OR51G2: variants seen among roughly 807,000 people sequenced by gnomAD.
OR51G2 encodes olfactory receptor 51G2.
OR51G2 carries 13 observed loss-of-function variants against 11.8 expected under a neutral mutation model. The ratio of observed to expected loss-of-function variants is 1.10; its 90% confidence interval spans 0.72 to 1.76. The LOEUF (loss-of-function observed/expected upper bound fraction) is 1.76, where lower values mean the gene tolerates loss of function less well. Ranked by LOEUF, OR51G2 falls within the 40% of genes most tolerant of loss-of-function variation. The pLI is 0.00. For missense variants in OR51G2, 474 were observed against 394.4 expected (o/e 1.20, Z -1.71); for synonymous variants, 178 against 151.9 (o/e 1.17, Z -1.26).
In OR51G2 at chr11:4,915,550, G is replaced by A; in HGVS notation, c.114C>T (p.Phe38=). 1.9e-6 allele frequency: 3 copies of A among 1,614,076 alleles called. No individual in the cohort carries two copies. Among genetic ancestry groups the A allele is most frequent in the Non-Finnish European group, 2.5e-6 (3 of 1,180,002 alleles). The change falls in exon 2 of 2, where the codon TTC becomes TTT. Residue 38 remains phenylalanine (F), a synonymous_variant. Coordinates refer to ENST00000641926, the MANE Select transcript of OR51G2 (RefSeq NM_001005238.2). The stretch of plus-strand genomic sequence containing the variant: ...TGCCCGGGATGGAAACCAGATACAT[G>A]AAGCACAGTGGGATGGAGATCCAGA... ...MHIWISIPLC[F]MYLVSIPGNC...
At chr11:4,918,925 G>C (rs1173772719) in intron 1 of OR51G2, among the ~76,000 whole-genome samples, 1 of 152,208 alleles carries the variant, frequency 6.6e-6, no homozygotes, top group Non-Finnish European at 1.5e-5. Flanking sequence ...ACTTGTGTCT[G>C]AGACTAGGGG....
intron 1 of OR51G2, among the ~76,000 whole-genome samples, chr11:4,918,692 A>C (rs1851135554): frequency 6.6e-6 from 1 of 152,186 alleles, no homozygotes; most frequent in African/African-American, 2.4e-5. Flanking sequence ...TCAGCAAGAT[A>C]GACTTAATCC....
At chr11:4,916,922 C>A (rs1851102824) in intron 1 of OR51G2, among the ~76,000 whole-genome samples, 1 of 152,176 alleles carries the variant, frequency 6.6e-6, no homozygotes, top group Non-Finnish European at 1.5e-5. Context: ...GGCAGTGATG[C>A]TGGAAAGGCC....
rs374326122 is a variant in OR51G2 at position 4,914,727 on chromosome 11, A to G, written c.937T>C (p.Cys313Arg). Residue 313 changes from cysteine to arginine, a missense_variant, in exon 2 of 2, where the codon TGT becomes CGT. Cys to Arg is a radical substitution (Grantham distance 180). Coordinates refer to ENST00000641926, the MANE Select transcript of OR51G2 (RefSeq NM_001005238.2). ...QIRDRVTHAF[C>R]Y ...TCTAACACTAGACACAGTTAGTAAC[A>G]AAAGGCATGCGTCACTCGATCCCGG... 3 of 1,607,930 alleles carry G rather than the reference A, an allele frequency of 1.9e-6. No individual in the cohort carries two copies. The highest frequency in any genetic ancestry group is 1.3e-5 in the African/African-American group (1 of 74,798).
At chr11:4,916,592 A>C (rs1398876475) in intron 1 of OR51G2, among the ~76,000 whole-genome samples, 1 of 152,048 alleles carries the variant, frequency 6.6e-6, no homozygotes, top group Non-Finnish European at 1.5e-5. Flanking sequence ...TTCTAGACAG[A>C]CCAACCCTTC....
rs541924522 is a variant in OR51G2 at position 4,912,930 on chromosome 11, A to G, written c.*1789T>C. On this transcript the variant is annotated 3_prime_UTR_variant, in exon 2 of 2. Transcript: ENST00000641926. Reference sequence around the variant, plus strand: ...TTGTCTAGCCTGGAATGTTAAACATACTCTTTCAAATTGGAAAAGAAAAAA... The same window carrying G: ...TTGTCTAGCCTGGAATGTTAAACATGCTCTTTCAAATTGGAAAAGAAAAAA... The G allele has an allele frequency of 9.3e-5, 14 of 150,854 alleles. No homozygotes were observed. Among genetic ancestry groups the G allele is most frequent in the African/African-American group, 3.2e-4 (13 of 41,094 alleles). 9.3% of individuals were successfully genotyped at this position (150,854 alleles called of 1,614,324 possible). A position where few individuals can be genotyped will look rare whatever the true frequency, so the allele number is the denominator to read the frequency against.
At position 4,914,776 on chromosome 11, in the gene OR51G2, G is replaced by A. The variant is rs949253416; in HGVS notation, c.888C>T (p.Val296=). 1 of 1,613,962 alleles carries A rather than the reference G, an allele frequency of 6.2e-7. No homozygotes were observed. Among genetic ancestry groups the A allele is most frequent in the African/African-American group, 1.3e-5 (1 of 75,006 alleles). ...GGATCTGTTTGGTCTTCACACTGTAGACAATGGGATTCATCACAGGAGGAA... is the reference window on the plus strand; with the variant it reads ...GGATCTGTTTGGTCTTCACACTGTAAACAATGGGATTCATCACAGGAGGAA... ...LLFPPVMNPI[V]YSVKTKQIRD... is the part of the protein sequence containing the mutation. The change falls in exon 2 of 2, where the codon GTC becomes GTT. Residue 296 remains valine (V), a synonymous_variant. Coordinates refer to ENST00000641926, the MANE Select transcript of OR51G2 (RefSeq NM_001005238.2).
In OR51G2 at chr11:4,915,507, T is replaced by C. The variant is rs139903297; in HGVS notation, c.157A>G (p.Ile53Val). 6.9e-4 allele frequency: 1,118 copies of C among 1,614,044 alleles called. 11 individuals carry two copies. In the African/African-American group the frequency reaches 0.013, roughly 18 times the overall value. Residue 53 changes from isoleucine to valine, a missense_variant, in exon 2 of 2, where the codon ATC becomes GTC. Coordinates refer to ENST00000641926, the MANE Select transcript of OR51G2 (RefSeq NM_001005238.2). ...TGAAGTGAGCGCTCTGTTTTAATGA[T>C]AAAAAGAATTGTGCAGTTGCCCGGG... ...SIPGNCTILF[I>V]IKTERSLHEP... is the part of the protein sequence containing the mutation.
At position 4,914,162 on chromosome 11, in the gene OR51G2, C is replaced by T. The variant is rs1173696305; in HGVS notation, c.*557G>A. 1.3e-5 allele frequency: 2 copies of T among 152,424 alleles called. No individual in the cohort carries two copies. The highest frequency in any genetic ancestry group is 6.5e-5 in the Admixed American group (1 of 15,284). 9.4% of individuals were successfully genotyped at this position (152,424 alleles called of 1,614,324 possible). A position where few individuals can be genotyped will look rare whatever the true frequency, so the allele number is the denominator to read the frequency against. On this transcript the variant is annotated 3_prime_UTR_variant, in exon 2 of 2. Transcript: ENST00000641926. ...GGATTCTCTACTCATTGGTGGTTAA[C>T]ACTGACTCAGCTAAGGTCTCAGCCT...
Position 4,915,358 on chromosome 11 carries a change from G to T in OR51G2, c.306C>A (p.Cys102Ter), listed in dbSNP as rs755400528. The T allele has an allele frequency of 1.2e-6, 2 of 1,614,040 alleles. No individual in the cohort carries two copies. The highest frequency in any genetic ancestry group is 8.5e-7 in the Non-Finnish European group (1 of 1,179,996). The change falls in exon 2 of 2, where the codon TGC becomes TGA. Residue 102 changes from cysteine (C) to a stop codon, truncating the protein, a stop_gained. Coordinates refer to ENST00000641926, the MANE Select transcript of OR51G2 (RefSeq NM_001005238.2). LOFTEE classifies it high-confidence loss of function. ...VGAREISHDA[C>*]FAQLFFIHCF... ...AGTGAATGAAAAAGAGCTGAGCAAA[G>T]CAGGCATCATGGCTAATTTCTCGTG...
Position 4,913,591 on chromosome 11 carries a change from A to G in OR51G2, c.*1128T>C, listed in dbSNP as rs377334350. ...GGGTACAATAACAATACAACATATA[A>G]AAGGGCATAACAAACTATCCTTGGT... On this transcript the variant is annotated 3_prime_UTR_variant, in exon 2 of 2. Coordinates refer to ENST00000641926, the MANE Select transcript of OR51G2 (RefSeq NM_001005238.2). 2 of 152,186 alleles carry G rather than the reference A, an allele frequency of 1.3e-5. No individual in the cohort carries two copies. The highest frequency in any genetic ancestry group is 4.8e-5 in the African/African-American group (2 of 41,424). The allele number at this position is 152,186 out of a possible 1,614,324, so 9.4% of individuals were successfully genotyped here.
chr11:4,918,802 C>G (rs1487017867), intron 1 of OR51G2, among the ~76,000 whole-genome samples: 2 of 152,178 alleles, frequency 1.3e-5, no homozygotes, highest in Non-Finnish European at 2.9e-5. Context: ...ATAGACCACA[C>G]TTTGTGATCA....
Position 4,915,580 on chromosome 11 carries a change from C to T in OR51G2, c.84G>A (p.Met28Ile), listed in dbSNP as rs1221499541. The stretch of plus-strand genomic sequence containing the variant: ...ACAGTGGGATGGAGATCCAGATGTG[C>T]ATGCGCTCCAGCCCAGGGATGCCAC... ...LLSGIPGLER[M>I]HIWISIPLCF... The change falls in exon 2 of 2, where the codon ATG (methionine) becomes ATA (isoleucine). Residue 28 changes from methionine (M) to isoleucine (I), a missense_variant. Met to Ile is a conservative substitution (Grantham distance 10). Coordinates refer to ENST00000641926, the MANE Select transcript of OR51G2 (RefSeq NM_001005238.2). 1.2e-6 allele frequency: 2 copies of T among 1,613,932 alleles called. No homozygotes were observed. Among genetic ancestry groups the T allele is most frequent in the African/African-American group, 1.3e-5 (1 of 74,886 alleles).
rs1249952628 is a variant in OR51G2 at position 4,913,355 on chromosome 11, G to A, written c.*1364C>T. The A allele has an allele frequency of 6.6e-6, 1 of 152,132 alleles. No individual in the cohort carries two copies. The highest frequency in any genetic ancestry group is 2.4e-5 in the African/African-American group (1 of 41,410). The allele number at this position is 152,132 out of a possible 1,614,324, so 9.4% of individuals were successfully genotyped here. On this transcript the variant is annotated 3_prime_UTR_variant, in exon 2 of 2. Coordinates refer to ENST00000641926, the MANE Select transcript of OR51G2 (RefSeq NM_001005238.2). ...ACTGGTCCACATACACTTCATAGTA[G>A]AAGACATTGTGTTCAGCCACACCCT...
At chr11:4,915,906 G>A (rs1405106531) in intron 1 of OR51G2, among the ~76,000 whole-genome samples, 167 bp from the exon 2 acceptor site, 2 of 152,152 alleles carry the variant, frequency 1.3e-5, no homozygotes, top group Non-Finnish European at 1.5e-5. Context: ...GAAGTGATGA[G>A]CCAAACTGGG....
chr11:4,913,459 A>G lies in OR51G2; in HGVS notation c.*1260T>C, dbSNP rs916655703. ...TAGGTGTTCGAAGCTCCCCTTGGCAATATCACATTCAAGCTTGCTTTCCTC... is the reference window on the plus strand; with the variant it reads ...TAGGTGTTCGAAGCTCCCCTTGGCAGTATCACATTCAAGCTTGCTTTCCTC... On this transcript the variant is annotated 3_prime_UTR_variant, in exon 2 of 2. Coordinates refer to ENST00000641926, the MANE Select transcript of OR51G2 (RefSeq NM_001005238.2). The G allele has an allele frequency of 2.6e-5, 4 of 152,182 alleles. No individual in the cohort carries two copies. The highest frequency in any genetic ancestry group is 9.7e-5 in the African/African-American group (4 of 41,436). The allele number at this position is 152,182 out of a possible 1,614,324, so 9.4% of individuals were successfully genotyped here. A position where few individuals can be genotyped will look rare whatever the true frequency, so the allele number is the denominator to read the frequency against.
chr11:4,915,585 G>T lies in OR51G2; in HGVS notation c.79C>A (p.Arg27Ser), dbSNP rs760244072. ...GGGATGGAGATCCAGATGTGCATGC[G>T]CTCCAGCCCAGGGATGCCACTCAGC... is the stretch of plus-strand genomic sequence containing the variant. ...FLLSGIPGLE[R>S]MHIWISIPLC... The change falls in exon 2 of 2, where the codon CGC becomes AGC. Residue 27 changes from arginine to serine, a missense_variant. By Grantham distance (110) the Arg-to-Ser change is moderately radical (BLOSUM62 -1). Coordinates refer to ENST00000641926, the MANE Select transcript of OR51G2 (RefSeq NM_001005238.2). 6.8e-6 allele frequency: 11 copies of T among 1,613,882 alleles called. No individual in the cohort carries two copies. The East Asian group carries it at 2.5e-4, about 36-fold the overall frequency.
Position 4,914,847 on chromosome 11 carries a change from C to A in OR51G2, c.817G>T (p.Ala273Ser), listed in dbSNP as rs746692318. 8.1e-6 allele frequency: 13 copies of A among 1,613,940 alleles called. No homozygotes were observed. The highest frequency in any genetic ancestry group is 1.0e-5 in the Non-Finnish European group (12 of 1,179,946). ...LSVIHRFGKQAPHLVQVVMGF... is the reference protein window; with the variant it reads ...LSVIHRFGKQSPHLVQVVMGF... ...ATGACCACCTGGACCAGGTGGGGTG[C>A]CTGCTTTCCAAAGCGATGGATGACA... Residue 273 changes from alanine (A) to serine (S), a missense_variant, in exon 2 of 2, where the codon GCA becomes TCA. Coordinates refer to ENST00000641926, the MANE Select transcript of OR51G2 (RefSeq NM_001005238.2).
rs933743613 is a variant in OR51G2 at position 4,913,801 on chromosome 11, C to T, written c.*918G>A. 3 of 152,148 alleles carry T rather than the reference C, an allele frequency of 2.0e-5. No homozygotes were observed. Among genetic ancestry groups the T allele is most frequent in the Non-Finnish European group, 4.4e-5 (3 of 68,048 alleles). The allele number at this position is 152,148 out of a possible 1,614,324, so 9.4% of individuals were successfully genotyped here. A position where few individuals can be genotyped will look rare whatever the true frequency, so the allele number is the denominator to read the frequency against. ...TGCTTCAGCTTTGCACATGCTGTTC[C>T]TTTGGACTGGAACATATTTTTGTCT... On this transcript the variant is annotated 3_prime_UTR_variant, in exon 2 of 2. Transcript: ENST00000641926.
Sources: gnomAD v4.1 joint callset for allele counts (sites outside exome capture counted in the v4.1 genomes callset) on GRCh38, gnomAD v4.1.1 for gene constraint, MANE v1.5 for transcripts, NCBI Gene and HGNC (gene_info 2026-07-23, HGNC 2026-07-21) for gene names.